LATS2: variants seen among roughly 807,000 people sequenced by gnomAD.
LATS2 encodes the protein serine/threonine-protein kinase LATS2.
In LATS2, 24 loss-of-function variants were observed where a neutral mutation model predicts 76.0. The ratio of observed to expected loss-of-function variants is 0.32; its 90% confidence interval spans 0.23 to 0.44. The LOEUF (loss-of-function observed/expected upper bound fraction) is 0.44. Ranked by LOEUF, LATS2 falls within the 20% of genes least tolerant of loss-of-function variation. The pLI is 1.00. For missense variants in LATS2, 1,286 were observed against 1,481.2 expected, an observed-to-expected ratio of 0.87 and a Z score of 2.16; for synonymous variants, 692 against 635.4, an observed-to-expected ratio of 1.09 and a Z score of -1.34.
chr13:21,025,134 G>A (rs1053263189), intron 2 of LATS2, among the ~76,000 whole-genome samples: 1 of 151,566 alleles, frequency 6.6e-6, no homozygotes, highest in South Asian at 2.1e-4. Flanking sequence ...TATAATTTAT[G>A]GTCACGGGGC....
At chr13:20,996,112 A>G (rs1197524984) in intron 2 of LATS2, among the ~76,000 whole-genome samples, 3 of 152,202 alleles carry the variant, frequency 2.0e-5, no homozygotes, top group Non-Finnish European at 4.4e-5. Flanking sequence ...ACAGATCTCA[A>G]TGCTGGAGTT....
chr13:20,974,976 C>T lies in LATS2; in HGVS notation c.3161G>A (p.Arg1054Gln), dbSNP rs776466850. The change falls in exon 8 of 8, where the codon CGA (arginine) becomes CAA (glutamine). Residue 1054 changes from arginine (R) to glutamine (Q), a missense_variant. Physicochemically the swap from Arg to Gln is conservative, Grantham distance 43. Coordinates refer to ENST00000382592, the MANE Select transcript of LATS2 (RefSeq NM_014572.3). ...TTCTGCTCCTGAAGGCTTTGGGCAT[C>T]GAAAGGGGTAGCCATTGTCATCAAA... ...RFFDDNGYPF[R>Q]CPKPSGAEAS... The T allele has an allele frequency of 5.8e-5, 94 of 1,614,010 alleles. No individual in the cohort carries two copies. The highest frequency in any genetic ancestry group is 2.9e-4 in the East Asian group (13 of 44,890).
In LATS2 at chr13:20,975,186, T is replaced by C; in HGVS notation, c.2951A>G (p.Lys984Arg). The C allele has an allele frequency of 6.2e-7, 1 of 1,614,210 alleles. No homozygotes were observed. Among genetic ancestry groups the C allele is most frequent in the South Asian group, 1.1e-5 (1 of 91,088 alleles). The change falls in exon 8 of 8, where the codon AAG (lysine) becomes AGG (arginine). Residue 984 changes from lysine to arginine, a missense_variant. Around this residue, in one of 5 missense-constraint regions of LATS2, gnomAD observed 210 missense variants for 234.9 expected, o/e 0.89. Coordinates refer to ENST00000382592, the MANE Select transcript of LATS2 (RefSeq NM_014572.3). ...SAIDFSSDIR[K>R]QPAPYVPTIS... Reference sequence around the variant, plus strand: ...GGTGGGAACGTAGGGGGCTGGCTGCTTCCGGATGTCACTGGAGAAGTCAAT... The same window carrying C: ...GGTGGGAACGTAGGGGGCTGGCTGCCTCCGGATGTCACTGGAGAAGTCAAT...
rs765160402 is a variant in LATS2 at position 20,975,005 on chromosome 13, C to G, written c.3132G>C (p.Arg1044Ser). Residue 1044 changes from arginine (R) to serine (S), a missense_variant, in exon 8 of 8, where the codon AGG becomes AGC. Coordinates refer to ENST00000382592, the MANE Select transcript of LATS2 (RefSeq NM_014572.3). ...EHAFYEFTFRRFFDDNGYPFR... is the reference protein window; with the variant it reads ...EHAFYEFTFRSFFDDNGYPFR... Reference sequence around the variant, plus strand: ...AGGGGTAGCCATTGTCATCAAAGAACCTTCGGAAGGTGAATTCGTAAAATG... The same window carrying G: ...AGGGGTAGCCATTGTCATCAAAGAAGCTTCGGAAGGTGAATTCGTAAAATG... The G allele has an allele frequency of 1.9e-6, 3 of 1,614,230 alleles. No individual in the cohort carries two copies. The highest frequency in any genetic ancestry group is 2.2e-5 in the South Asian group (2 of 91,086).
intron 1 of LATS2, among the ~76,000 whole-genome samples, chr13:21,059,047 G>T (rs956785280): frequency 6.6e-6 from 1 of 151,920 alleles, no homozygotes; most frequent in Non-Finnish European, 1.5e-5. Flanking sequence ...TTAAGGGAAG[G>T]CCCCTCATCT....
At chr13:20,977,493 G>A (rs1170809299) in intron 7 of LATS2, among the ~76,000 whole-genome samples, 1 of 151,906 alleles carries the variant, frequency 6.6e-6, no homozygotes, top group Non-Finnish European at 1.5e-5. Flanking sequence ...CTGTTTAATG[G>A]GTTTGGGACG....
intron 5 of LATS2, among the ~76,000 whole-genome samples, chr13:20,982,345 CTT>C (rs1392614470): frequency 6.6e-6 from 1 of 152,192 alleles, no homozygotes; most frequent in Non-Finnish European, 1.5e-5. Flanking sequence ...GAGTTTCGCT[CTT>C]GTTGCCCAGG....
intron 2 of LATS2, among the ~76,000 whole-genome samples, chr13:21,020,129 AAGTC>A (rs1312336855): frequency 2.0e-4 from 29 of 148,378 alleles, no homozygotes; most frequent in African/African-American, 5.1e-4. Flanking sequence ...ACAGCTCCTA[AAGTC>A]AGTCAGTTCA....
At chr13:21,031,140 T>C (rs1565960270) in intron 2 of LATS2, among the ~76,000 whole-genome samples, 1 of 152,252 alleles carries the variant, frequency 6.6e-6, no homozygotes, top group South Asian at 2.1e-4. Flanking sequence ...TTTGTCTTTA[T>C]CTTTGGCTTT....
chr13:21,030,101 C>T (rs1415699991), intron 2 of LATS2, among the ~76,000 whole-genome samples: 1 of 150,066 alleles, frequency 6.7e-6, no homozygotes, highest in Admixed American at 6.6e-5. Flanking sequence ...CCCAGCCTGG[C>T]AAAAGAGCTA....
At chr13:20,982,407 G>A (rs112750726) in intron 5 of LATS2, among the ~76,000 whole-genome samples, 2,161 of 152,300 alleles carry the variant, frequency 0.014, 68 homozygotes, top group African/African-American at 0.049. Context: ...TGCTTCCCGG[G>A]TTCAAGCGAT....
At chr13:21,002,034 C>G (rs1871066975) in intron 2 of LATS2, among the ~76,000 whole-genome samples, 1 of 151,928 alleles carries the variant, frequency 6.6e-6, no homozygotes, top group African/African-American at 2.4e-5. Flanking sequence ...CTGCCTCAGC[C>G]TCCTGAGTAG....
At chr13:21,035,914 C>T (rs1402340448) in intron 2 of LATS2, among the ~76,000 whole-genome samples, 4 of 152,122 alleles carry the variant, frequency 2.6e-5, no homozygotes, top group Non-Finnish European at 2.9e-5. Flanking sequence ...CCCCTTTTTT[C>T]GGGGAACAGA....
chr13:21,053,914 G>A (rs548489872), intron 1 of LATS2, among the ~76,000 whole-genome samples: 6 of 152,292 alleles, frequency 3.9e-5, no homozygotes, highest in Non-Finnish European at 8.8e-5. Flanking sequence ...GAAGAAAGGG[G>A]AACAGGGAAT....
rs924353761 is a variant in LATS2 at position 20,993,063 on chromosome 13, G to T, written c.343-1659C>A. ...AAAAAAAAAAAAAAAAAAAAAAAAT[G>T]GGGGGGTGGAGATACAGAAAGACCC... is the stretch of plus-strand genomic sequence containing the variant. On this transcript the variant is annotated intron_variant, in intron 2 of 7. Coordinates refer to ENST00000382592, the MANE Select transcript of LATS2 (RefSeq NM_014572.3). Among the ~76,000 whole-genome samples, 18 of 142,708 alleles carry T rather than the reference G, an allele frequency of 1.3e-4. No individual in the cohort carries two copies. The East Asian group carries it at 1.6e-3, about 13-fold the overall frequency. 93.6% of individuals were successfully genotyped at this position (142,708 alleles called of 152,430 possible).
chr13:20,995,641 G>A (rs1436193952), intron 2 of LATS2, among the ~76,000 whole-genome samples: 8 of 152,226 alleles, frequency 5.3e-5, no homozygotes, highest in Non-Finnish European at 8.8e-5. Context: ...GTTCCACTGG[G>A]CAGGCTGCCC....
chr13:21,008,514 ATTATGAACAT>A, intron 2 of LATS2, among the ~76,000 whole-genome samples: 1 of 152,272 alleles, frequency 6.6e-6, no homozygotes, highest in Middle Eastern at 3.4e-3. Flanking sequence ...TCTCCTGAAC[ATTATGAACAT>A]TTATGAACAT....
At chr13:21,044,740 TTTAAA>T (rs1873004358) in intron 2 of LATS2, among the ~76,000 whole-genome samples, 1 of 122,618 alleles carries the variant, frequency 8.2e-6, no homozygotes, top group Admixed American at 8.1e-5. Flanking sequence ...GTGTGTGTGT[TTTAAA>T]TAGAGATAGG....
At chr13:21,032,135 G>C (rs557306332) in intron 2 of LATS2, among the ~76,000 whole-genome samples, 11 of 152,272 alleles carry the variant, frequency 7.2e-5, no homozygotes, top group Admixed American at 2.0e-4. Flanking sequence ...AAACAATACT[G>C]TTGATAATAC....
Sources: allele counts gnomAD v4.1 joint callset (sites outside exome capture counted in the v4.1 genomes callset), GRCh38; gene constraint gnomAD v4.1.1; regional missense constraint gnomAD v4.1.1; transcripts MANE v1.5; gene names NCBI Gene and HGNC (gene_info 2026-07-23, HGNC 2026-07-21).